Variants in ZNF667 observed in about 807,000 individuals in gnomAD.
ZNF667 encodes the protein myocardial ischemic preconditioning upregulated 1 ortholog.
Under a neutral mutation model 31.8 loss-of-function variants are expected in ZNF667, and 13 were observed. The observed-to-expected ratio is 0.41, with a 90% CI of 0.27 to 0.65. The LOEUF is 0.65. Ranked by LOEUF, ZNF667 falls within the 30% of genes least tolerant of loss-of-function variation. ZNF667 has a pLI of 0.32. For synonymous variants in ZNF667, 228 were observed against 247.1 expected (o/e 0.92, Z 0.73); for missense variants, 642 against 725.6 (o/e 0.88, Z 1.32).
chr19:56,469,374 GA>G, intron 3 of ZNF667, among the ~76,000 whole-genome samples: 2 of 152,350 alleles, frequency 1.3e-5, no homozygotes, highest in South Asian at 4.1e-4. Flanking sequence ...GGGTCAGACT[GA>G]GGGTGGCAAG....
At chr19:56,458,572 G>T (rs2042981417) in intron 5 of ZNF667, among the ~76,000 whole-genome samples, 1 of 152,138 alleles carries the variant, frequency 6.6e-6, no homozygotes, top group Admixed American at 6.5e-5. Context: ...TTAGAGGATT[G>T]GAACTTTCAG....
In ZNF667 at chr19:56,441,173, C is replaced by T. The variant is rs1338846976; in HGVS notation, c.1822G>A (p.Glu608Lys). The part of the protein sequence containing the change: ...LIRHQNTHSE[E>K]KA ...GATTTAAAACAACCTTAGGCTTTTT[C>T]TTCAGAATGTGTATTCTGATGTCGA... The change falls in exon 7 of 7, where the codon GAA becomes AAA. Residue 608 changes from glutamate to lysine, a missense_variant. Glu to Lys is a moderately conservative substitution (Grantham distance 56, BLOSUM62 1). Coordinates refer to ENST00000504904, the MANE Select transcript of ZNF667 (RefSeq NM_001321356.2). This position sits in a 1 kb window ranked among gnomAD's most constrained non-coding sequence, Gnocchi z 4.2. 6.2e-7 allele frequency: 1 copy of T among 1,601,088 alleles called. No homozygotes were observed. The highest frequency in any genetic ancestry group is 8.5e-7 in the Non-Finnish European group (1 of 1,172,014).
At chr19:56,468,796 T>G (rs1242755864) in intron 3 of ZNF667, 3 of 152,232 alleles carry the variant, frequency 2.0e-5, no homozygotes, top group Non-Finnish European at 2.9e-5. Flanking sequence ...TCAACATAAT[T>G]ACAAAGGTCC....
intron 6 of ZNF667, among the ~76,000 whole-genome samples, chr19:56,452,047 C>A (rs1222001976): frequency 6.6e-6 from 1 of 150,668 alleles, no homozygotes; most frequent in Non-Finnish European, 1.5e-5. Flanking sequence ...ATGAAGAAAT[C>A]TCTTTTTTTT....
intron 6 of ZNF667, among the ~76,000 whole-genome samples, chr19:56,455,321 T>C (rs1044909040): frequency 6.6e-6 from 1 of 152,130 alleles, no homozygotes; most frequent in African/African-American, 2.4e-5. Context: ...TACTGCTTGG[T>C]ATATACCCCC....
At chr19:56,475,010 T>A (rs1363372714) in intron 1 of ZNF667, 2 of 152,062 alleles carry the variant, frequency 1.3e-5, no homozygotes, top group African/African-American at 4.8e-5. Flanking sequence ...ACTCTTAGAT[T>A]CCCCAATCAA....
At chr19:56,450,042 G>T (rs10415307) in intron 6 of ZNF667, among the ~76,000 whole-genome samples, 1 of 151,502 alleles carries the variant, frequency 6.6e-6, no homozygotes, top group African/African-American at 2.4e-5. Context: ...CAGAGAGACT[G>T]GGGTAGAAAG....
rs573219051 is a variant in ZNF667, at chr19:56,457,621, C to G, written c.253+534G>C. Among the ~76,000 whole-genome samples, 4 of 152,290 alleles carry G rather than the reference C, an allele frequency of 2.6e-5. No homozygotes were observed. In the South Asian group the frequency reaches 8.3e-4, roughly 32 times the overall value. On this transcript the variant is annotated intron_variant, in intron 6 of 6. Coordinates refer to ENST00000504904, the MANE Select transcript of ZNF667 (RefSeq NM_001321356.2). ...TTACTAAATGTTGCTTTTTCTTCCT[C>G]CAGGACTCATACTGAAGAGACTTGA... is the stretch of plus-strand genomic sequence containing the variant.
intron 3 of ZNF667, among the ~76,000 whole-genome samples, chr19:56,466,463 C>A (rs569064705): frequency 1.3e-5 from 2 of 152,184 alleles, no homozygotes; most frequent in African/African-American, 2.4e-5. Context: ...TGGGAGGCAG[C>A]TGGAGGTGTG....
chr19:56,461,295 A>G (rs149928480), intron 4 of ZNF667, among the ~76,000 whole-genome samples: 9 of 152,366 alleles, frequency 5.9e-5, no homozygotes, highest in Non-Finnish European at 1.2e-4. Context: ...TCCAAGAAAC[A>G]TGTGAATATG....
intron 2 of ZNF667, chr19:56,472,648 C>T (rs548772200): frequency 6.6e-6 from 1 of 152,190 alleles, no homozygotes; most frequent in South Asian, 2.1e-4. Flanking sequence ...ATATATTTTC[C>T]TTATGATTTT....
chr19:56,458,276 T>A lies in ZNF667; in HGVS notation c.161-29A>T, dbSNP rs757411000. The A allele has an allele frequency of 1.9e-6, 3 of 1,603,490 alleles. No homozygotes were observed. In the Admixed American group the frequency reaches 5.0e-5, roughly 27 times the overall value. ...TACGTGGGACAAACATGGGAAATGATCATAAATGTGGGCACCACAGAAGTC... is the reference window on the plus strand; with the variant it reads ...TACGTGGGACAAACATGGGAAATGAACATAAATGTGGGCACCACAGAAGTC... On this transcript the variant is annotated intron_variant, in intron 5 of 6. Coordinates refer to ENST00000504904, the MANE Select transcript of ZNF667 (RefSeq NM_001321356.2).
chr19:56,462,258 C>T (rs1334098837), intron 4 of ZNF667, 80 bp downstream of exon 4: 11 of 1,566,820 alleles, frequency 7.0e-6, no homozygotes, highest in Non-Finnish European at 9.7e-6. Flanking sequence ...GGCAACAAGT[C>T]TCCATGGAAG....
At chr19:56,451,888 A>AAC (rs1568843319) in intron 6 of ZNF667, among the ~76,000 whole-genome samples, 1 of 104,264 alleles carries the variant, frequency 9.6e-6, no homozygotes, top group African/African-American at 3.4e-5. Context: ...AAAAAAAAAA[A>AAC]AAAAAAAAAA....
intron 6 of ZNF667, among the ~76,000 whole-genome samples, chr19:56,452,336 C>T (rs1600417584): frequency 6.6e-6 from 1 of 152,166 alleles, no homozygotes; most frequent in South Asian, 2.1e-4. Context: ...AGGCGTGAGC[C>T]ACCACCCCCG....
In ZNF667 at chr19:56,439,728, C is replaced by G. The variant is rs1418840104; in HGVS notation, c.*1434G>C. 1 of 152,900 alleles carries G rather than the reference C, an allele frequency of 6.5e-6. No individual in the cohort carries two copies. Among genetic ancestry groups the G allele is most frequent in the East Asian group, 1.9e-4 (1 of 5,204 alleles). The allele number at this position is 152,900 out of a possible 1,614,324, so 9.5% of individuals were successfully genotyped here. On this transcript the variant is annotated 3_prime_UTR_variant, in exon 7 of 7. Coordinates refer to ENST00000504904, the MANE Select transcript of ZNF667 (RefSeq NM_001321356.2). Reference sequence around the variant, plus strand: ...GGAGTACAGTGGCGTGATCCTGGCTCACTGCAACCTCCGCCTCCTGGGTTC... The same window carrying G: ...GGAGTACAGTGGCGTGATCCTGGCTGACTGCAACCTCCGCCTCCTGGGTTC...
At chr19:56,450,307 T>A (rs1485849471) in intron 6 of ZNF667, among the ~76,000 whole-genome samples, 1 of 152,026 alleles carries the variant, frequency 6.6e-6, no homozygotes, top group Non-Finnish European at 1.5e-5. Context: ...GGAGAGAGAA[T>A]TATGATATAT....
intron 3 of ZNF667, among the ~76,000 whole-genome samples, chr19:56,469,726 G>A (rs545392996): frequency 1.3e-5 from 2 of 152,154 alleles, no homozygotes; most frequent in South Asian, 2.1e-4. Context: ...GGTGTAACTC[G>A]CTGCAGAATT....
intron 6 of ZNF667, among the ~76,000 whole-genome samples, chr19:56,453,341 G>A (rs903013255): frequency 2.6e-5 from 4 of 152,054 alleles, no homozygotes; most frequent in African/African-American, 7.2e-5. Context: ...AAAAATAGAG[G>A]AGGACAGAAT....
Sources: allele counts gnomAD v4.1 joint callset (sites outside exome capture counted in the v4.1 genomes callset), GRCh38; gene constraint gnomAD v4.1.1; non-coding constraint Gnocchi (gnomAD v3.1); transcripts MANE v1.5; gene names NCBI Gene and HGNC (gene_info 2026-07-23, HGNC 2026-07-21).